Variants in PCDHGB5 observed in about 807,000 individuals in gnomAD.
PCDHGB5 encodes the protein protocadherin gamma subfamily B, 5.
Under a neutral mutation model 62.9 loss-of-function variants are expected in PCDHGB5, and 48 were observed. The observed-to-expected ratio is 0.76, with a 90% CI of 0.61 to 0.97. The LOEUF (loss-of-function observed/expected upper bound fraction) is 0.97, where lower values mean the gene tolerates loss of function less well. PCDHGB5 is among the 50% of genes least tolerant of loss of function. PCDHGB5 has a pLI of 0.00. For missense variants in PCDHGB5, 1,118 were observed against 1,198.6 expected (o/e 0.93, Z 0.99); for synonymous variants, 474 against 511.2 (o/e 0.93, Z 0.98).
At chr5:141,427,896 C>T in intron 1 of PCDHGB5, 2 of 1,570,508 alleles carry the variant, frequency 1.3e-6, no homozygotes, top group Non-Finnish European at 1.7e-6. Context: ...CCAGGGCTCG[C>T]CCGCGCTCAG....
At chr5:141,410,266 G>A in intron 1 of PCDHGB5, 1 of 1,614,036 alleles carries the variant, frequency 6.2e-7, no homozygotes, top group South Asian at 1.1e-5. Context: ...AGGCTGAACT[G>A]CAGTTTTACC....
At chr5:141,448,058 C>G (rs2098560499) in intron 1 of PCDHGB5, among the ~76,000 whole-genome samples, 2 of 151,936 alleles carry the variant, frequency 1.3e-5, no homozygotes, top group Non-Finnish European at 2.9e-5. Flanking sequence ...TGCTCTCCAG[C>G]CTGGGCAACA....
intron 1 of PCDHGB5, chr5:141,421,708 C>T (rs2096594348): frequency 1.9e-6 from 3 of 1,613,780 alleles, no homozygotes; most frequent in South Asian, 2.2e-5. Flanking sequence ...TGCTAGGGAT[C>T]CAGATGTGGG....
rs1187072972 is a variant in PCDHGB5 at position 141,487,553 on chromosome 5, C to T, written c.2398-7254C>T. 4 of 1,614,050 alleles carry T rather than the reference C, an allele frequency of 2.5e-6. No individual in the cohort carries two copies. The African/African-American group carries it at 4.0e-5, about 16-fold the overall frequency. On this transcript the variant is annotated intron_variant, in intron 1 of 3. Coordinates refer to ENST00000617380, the MANE Select transcript of PCDHGB5 (RefSeq NM_018925.3). The surrounding 1 kb of genome is among the most constrained non-coding windows in gnomAD (Gnocchi z 5.0). ...CATGATGGTGAAGTCACCCAGTGCA[C>T]CTATGGCAGGGGAGCCTGTTCGCCC...
intron 1 of PCDHGB5, chr5:141,404,905 GC>G (rs762314174): frequency 6.2e-6 from 10 of 1,613,910 alleles, no homozygotes; most frequent in Middle Eastern, 1.7e-4. Context: ...ACCATGGCCA[GC>G]CCCCTCTCTC....
At chr5:141,466,457 A>G (rs969935541) in intron 1 of PCDHGB5, among the ~76,000 whole-genome samples, 12 of 152,146 alleles carry the variant, frequency 7.9e-5, no homozygotes, top group Admixed American at 6.6e-4. Context: ...GGTGTTGGCT[A>G]TTGTTTCTGC....
At chr5:141,404,072 C>T (rs779657331) in intron 1 of PCDHGB5, 1 of 1,613,626 alleles carries the variant, frequency 6.2e-7, no homozygotes, top group Non-Finnish European at 8.5e-7. Flanking sequence ...TGCTCATGAC[C>T]GAGACTCCGG....
rs548074156 is a variant in PCDHGB5 at position 141,511,069 on chromosome 5, G to A, written c.2668G>A (p.Gly890Ser). The A allele has an allele frequency of 6.2e-7, 1 of 1,614,230 alleles. No individual in the cohort carries two copies. Among genetic ancestry groups the A allele is most frequent in the Non-Finnish European group, 8.5e-7 (1 of 1,180,034 alleles). ...CTACCGCCAGAATGTCTACATCCCA[G>A]GCAGCAATGCCACACTGACCAACGC... ...PDYRQNVYIP[G>S]SNATLTNAAG... The change falls in exon 4 of 4, where the codon GGC becomes AGC. Residue 890 changes from glycine (G) to serine (S), a missense_variant. Physicochemically the swap from Gly to Ser is moderately conservative, Grantham distance 56 (BLOSUM62 0). Transcript: ENST00000617380.
chr5:141,476,831 G>C lies in PCDHGB5; in HGVS notation c.2398-17976G>C, dbSNP rs779348525. ...TCACATCAAGGTGCTGGACGCGAAT[G>C]ACAATGCGCCTGTCTTCAACCAGTC... On this transcript the variant is annotated intron_variant, in intron 1 of 3. Transcript: ENST00000617380. This position sits in a 1 kb window ranked among gnomAD's most constrained non-coding sequence, Gnocchi z 7.6. 1 of 1,613,504 alleles carries C rather than the reference G, an allele frequency of 6.2e-7. No homozygotes were observed. Among genetic ancestry groups the C allele is most frequent in the Non-Finnish European group, 8.5e-7 (1 of 1,180,050 alleles).
intron 1 of PCDHGB5, chr5:141,428,219 T>C (rs749413221): frequency 8.4e-7 from 1 of 1,195,778 alleles, no homozygotes. Context: ...CACCTAGTCT[T>C]CGCAGACAGC....
At chr5:141,415,056 G>C in intron 1 of PCDHGB5, 2 of 1,613,416 alleles carry the variant, frequency 1.2e-6, no homozygotes, top group Non-Finnish European at 1.7e-6. Flanking sequence ...GGGAGCACAC[G>C]GGCGAGGTGC....
chr5:141,480,414 CAA>C (rs10712552), intron 1 of PCDHGB5, among the ~76,000 whole-genome samples: 346 of 147,498 alleles, frequency 2.3e-3, no homozygotes, highest in African/African-American at 8.3e-3. Flanking sequence ...GACCCTGTCT[CAA>C]AAAAAAAAAT....
chr5:141,399,023 C>T lies in PCDHGB5; in HGVS notation c.896C>T (p.Thr299Ile). Residue 299 changes from threonine (T) to isoleucine (I), a missense_variant, in exon 1 of 4, where the codon ACT becomes ATT. This residue lies in a region of PCDHGB5 where 1,034 missense variants were observed against 1,029.1 expected (regional missense o/e 1.00). Transcript: ENST00000617380. ...SLNSKSGEIT[T>I]QKKLDFEETK... The stretch of plus-strand genomic sequence containing the variant: ...AATTCAAAGAGCGGAGAAATTACCA[C>T]TCAAAAGAAACTGGATTTTGAAGAG... The T allele has an allele frequency of 6.2e-7, 1 of 1,613,914 alleles. No homozygotes were observed. Among genetic ancestry groups the T allele is most frequent in the African/African-American group, 1.3e-5 (1 of 75,058 alleles).
intron 1 of PCDHGB5, among the ~76,000 whole-genome samples, chr5:141,478,999 A>C (rs1220971456): frequency 2.0e-5 from 3 of 152,194 alleles, no homozygotes. Context: ...ATTAAAACTA[A>C]TAGCTTTTTG....
At position 141,476,001 on chromosome 5, in the gene PCDHGB5, C is replaced by A. The variant is rs989369008; in HGVS notation, c.2398-18806C>A. On this transcript the variant is annotated intron_variant, in intron 1 of 3. Coordinates refer to ENST00000617380, the MANE Select transcript of PCDHGB5 (RefSeq NM_018925.3). This position sits in a 1 kb window ranked among gnomAD's most constrained non-coding sequence, Gnocchi z 7.6. ...CAGCCGGCGAGCAAATCAACGGCAT[C>A]CAGAAAGCCATGTCGGACTCGGCGC... The A allele has an allele frequency of 5.7e-5, 70 of 1,235,226 alleles. No homozygotes were observed. In the Middle Eastern group the frequency reaches 8.6e-4, roughly 15 times the overall value. The allele number at this position is 1,235,226 out of a possible 1,614,324, so 76.5% of individuals were successfully genotyped here. A position where few individuals can be genotyped will look rare whatever the true frequency, so the allele number is the denominator to read the frequency against.
intron 1 of PCDHGB5, chr5:141,413,354 C>T: frequency 6.2e-7 from 1 of 1,613,974 alleles, no homozygotes; most frequent in South Asian, 1.1e-5. Flanking sequence ...GGTCTGGCGC[C>T]CCGGGAGCTG....
chr5:141,414,647 T>C (rs1369045439), intron 1 of PCDHGB5: 3 of 1,613,926 alleles, frequency 1.9e-6, no homozygotes, highest in South Asian at 2.2e-5. Flanking sequence ...AATGCCCAGA[T>C]TATTTACTCC....
At chr5:141,410,668 T>C in intron 1 of PCDHGB5, 2 of 1,565,640 alleles carry the variant, frequency 1.3e-6, no homozygotes, top group African/African-American at 2.7e-5. Context: ...TCTACTAGTT[T>C]CTCATATTTT....
At chr5:141,407,534 A>T (rs72790039) in intron 1 of PCDHGB5, among the ~76,000 whole-genome samples, 1 of 149,478 alleles carries the variant, frequency 6.7e-6, no homozygotes, top group Non-Finnish European at 1.5e-5. Flanking sequence ...CTTATTGTGC[A>T]TTGGTAACAG....
Sources: allele counts gnomAD v4.1 joint callset (sites outside exome capture counted in the v4.1 genomes callset), GRCh38; gene constraint gnomAD v4.1.1; regional missense constraint gnomAD v4.1.1; non-coding constraint Gnocchi (gnomAD v3.1); transcripts MANE v1.5; gene names NCBI Gene and HGNC (gene_info 2026-07-23, HGNC 2026-07-21).